SAMMSON: variants seen among roughly 807,000 people sequenced by gnomAD.
SAMMSON encodes long intergenic non-protein coding RNA 1212.
At chr3:70,192,264 G>A (rs1382700056) in intron 4 of SAMMSON, among the ~76,000 whole-genome samples, 1 of 152,156 alleles carries the variant, frequency 6.6e-6, no homozygotes. Flanking sequence ...AGGTCCTTCT[G>A]GCAAAGGATT....
intron 4 of SAMMSON, chr3:70,075,440 G>A (rs2067245064): frequency 6.6e-6 from 1 of 152,108 alleles, no homozygotes; most frequent in Non-Finnish European, 1.5e-5. Context: ...GTTGAAAATT[G>A]TGACACATAG....
chr3:70,130,246 T>G (rs1025149821), intron 4 of SAMMSON, among the ~76,000 whole-genome samples: 1 of 152,172 alleles, frequency 6.6e-6, no homozygotes, highest in Non-Finnish European at 1.5e-5. Flanking sequence ...GTCAAAGAAT[T>G]GCATCTGAGG....
intron 7 of SAMMSON, among the ~76,000 whole-genome samples, chr3:70,301,299 A>G (rs1702346231): frequency 6.6e-6 from 1 of 152,110 alleles, no homozygotes. Context: ...CATGTAAGGA[A>G]TTGGGTATGT....
At chr3:70,044,747 A>G (rs537786084) in intron 3 of SAMMSON, among the ~76,000 whole-genome samples, 3 of 151,442 alleles carry the variant, frequency 2.0e-5, no homozygotes, top group African/African-American at 4.8e-5. Context: ...TGATATACTT[A>G]CAATATATAT....
chr3:70,351,544 T>C (rs1290933946), intron 7 of SAMMSON, among the ~76,000 whole-genome samples: 4 of 151,950 alleles, frequency 2.6e-5, no homozygotes, highest in South Asian at 2.1e-4. Context: ...TGCCCAAAAA[T>C]AGGGAAAGAA....
intron 4 of SAMMSON, among the ~76,000 whole-genome samples, chr3:70,179,031 A>C (rs929796827): frequency 6.6e-6 from 1 of 152,130 alleles, no homozygotes; most frequent in African/African-American, 2.4e-5. Context: ...AATAAGAAGA[A>C]GAACTTTATA....
At chr3:70,246,108 C>A (rs917047329) in intron 4 of SAMMSON, among the ~76,000 whole-genome samples, 28 of 151,834 alleles carry the variant, frequency 1.8e-4, no homozygotes, top group Middle Eastern at 3.4e-3. Flanking sequence ...TAAAAAAAAA[C>A]CCCACAGATA....
intron 4 of SAMMSON, among the ~76,000 whole-genome samples, chr3:70,186,604 C>T (rs1701094088): frequency 6.6e-6 from 1 of 151,956 alleles, no homozygotes. Flanking sequence ...GAAAGGTTAC[C>T]TAATAGTTGA....
intron 3 of SAMMSON, chr3:70,015,121 A>G: frequency 6.6e-6 from 1 of 152,270 alleles, no homozygotes; most frequent in East Asian, 1.9e-4. Context: ...TCTACTAAAA[A>G]TACAAAAAAA....
intron 4 of SAMMSON, among the ~76,000 whole-genome samples, chr3:70,228,507 CT>C (rs1458192413): frequency 1.3e-5 from 2 of 151,890 alleles, no homozygotes; most frequent in African/African-American, 4.8e-5. Context: ...AGAAGGACCC[CT>C]GTTATAGTTT....
At chr3:70,184,916 G>A (rs943435054) in intron 4 of SAMMSON, among the ~76,000 whole-genome samples, 2 of 152,178 alleles carry the variant, frequency 1.3e-5, no homozygotes, top group African/African-American at 4.8e-5. Flanking sequence ...ACCTTTCCCT[G>A]TAAGACAGCG....
chr3:70,351,620 G>T (rs1458616046), intron 7 of SAMMSON, among the ~76,000 whole-genome samples: 1 of 151,998 alleles, frequency 6.6e-6, no homozygotes, highest in Non-Finnish European at 1.5e-5. Flanking sequence ...CCTGGGATTT[G>T]TTTTTACCTC....
intron 7 of SAMMSON, among the ~76,000 whole-genome samples, chr3:70,336,104 T>C (rs1702658376): frequency 6.6e-6 from 1 of 152,038 alleles, no homozygotes; most frequent in African/African-American, 2.4e-5. Flanking sequence ...AGAATCACTG[T>C]ACAAAATAGC....
At chr3:70,126,255 CTTTTTTT>C (rs34272654) in intron 4 of SAMMSON, 50 of 851,336 alleles carry the variant, frequency 5.9e-5, no homozygotes, top group Middle Eastern at 2.7e-4. Flanking sequence ...GTCATCAGAC[CTTTTTTT>C]TTTTTTTTCA....
chr3:70,018,310 G>T (rs910033890), intron 3 of SAMMSON, among the ~76,000 whole-genome samples: 1 of 152,106 alleles, frequency 6.6e-6, no homozygotes, highest in Non-Finnish European at 1.5e-5. Context: ...GTTTATTCTT[G>T]GGAGGGTGTA....
In SAMMSON at chr3:70,337,318, G is replaced by C. The variant is rs565310991; in HGVS notation, n.740-16857G>C. Among the ~76,000 whole-genome samples, 34 of 151,446 alleles carry C rather than the reference G, an allele frequency of 2.2e-4. No individual in the cohort carries two copies. In the South Asian group the frequency reaches 7.1e-3, roughly 32 times the overall value. ...TAAAATAATTGCTCTGGTGGTCCCA[G>C]ATTTAGAACCATACACAGAGTACCA... is the stretch of plus-strand genomic sequence containing the variant. On this transcript the variant is annotated intron_variant and non_coding_transcript_variant, in intron 7 of 9. Coordinates refer to ENST00000642114, the Ensembl canonical transcript of SAMMSON.
At position 70,359,733 on chromosome 3, in the gene SAMMSON, G is replaced by T. The variant is rs79596056; in HGVS notation, n.913+1409G>T. On this transcript the variant is annotated intron_variant and non_coding_transcript_variant, in intron 9 of 9. Transcript: ENST00000642114. ...CAATTTATTGCTTATTGCTGATACAGAGATAGTGCTTTTTTCTACTTAATT... is the reference window on the plus strand; with the variant it reads ...CAATTTATTGCTTATTGCTGATACATAGATAGTGCTTTTTTCTACTTAATT... Among the ~76,000 whole-genome samples the T allele has an allele frequency of 4.2e-3, 644 of 152,182 alleles. 26 individuals carry two copies. In the East Asian group the frequency reaches 0.085, roughly 20 times the overall value.
At chr3:70,247,492 T>G (rs1028344038) in intron 4 of SAMMSON, among the ~76,000 whole-genome samples, 2 of 151,706 alleles carry the variant, frequency 1.3e-5, no homozygotes, top group African/African-American at 4.8e-5. Flanking sequence ...TTATATGAAT[T>G]AGTTGAAAAT....
intron 6 of SAMMSON, among the ~76,000 whole-genome samples, chr3:70,277,901 T>C (rs941691455): frequency 2.0e-5 from 3 of 152,154 alleles, no homozygotes; most frequent in African/African-American, 4.8e-5. Flanking sequence ...AGGAAGATGA[T>C]TGAGACCCTA....
Sources: gnomAD v4.1 joint callset for allele counts (sites outside exome capture counted in the v4.1 genomes callset) on GRCh38, gnomAD v4.1.1 for gene constraint, MANE v1.5 for transcripts, NCBI Gene and HGNC (gene_info 2026-07-23, HGNC 2026-07-21) for gene names.